Variants in EYS observed in about 807,000 individuals in gnomAD.
EYS encodes the protein protein eyes shut homolog.
Under a neutral mutation model 282.1 loss-of-function variants are expected in EYS, and 250 were observed. The observed-to-expected ratio is 0.89, with a 90% confidence interval of 0.80 to 0.98. The LOEUF (loss-of-function observed/expected upper bound fraction) is 0.98, where lower values mean the gene tolerates loss of function less well. EYS is among the 50% of genes least tolerant of loss of function. The pLI, the probability that EYS is intolerant of heterozygous loss-of-function variation, is 0.00. For missense variants in EYS, 4,016 were observed against 3,709.0 expected (o/e 1.08, Z -2.15); for synonymous variants, 1,355 against 1,282.9 (o/e 1.06, Z -1.20).
At chr6:64,255,982 C>G (rs1582493398) in intron 30 of EYS, among the ~76,000 whole-genome samples, 1 of 152,032 alleles carries the variant, frequency 6.6e-6, no homozygotes, top group African/African-American at 2.4e-5. Flanking sequence ...TTGTATATTT[C>G]CATGTGCGAC....
chr6:64,288,963 T>C (rs559781389), intron 30 of EYS, among the ~76,000 whole-genome samples: 19 of 152,238 alleles, frequency 1.2e-4, no homozygotes, highest in Middle Eastern at 3.4e-3. Flanking sequence ...AAAAACCTCC[T>C]ATCTGGTTTT....
At position 64,773,548 on chromosome 6, in the gene EYS, C is replaced by A. The variant is rs534366902; in HGVS notation, c.3443+39830G>T. Among the ~76,000 whole-genome samples the A allele has an allele frequency of 4.6e-5, 7 of 151,996 alleles. No homozygotes were observed. The East Asian group carries it at 1.4e-3, about 29-fold the overall frequency. ...CTGTTTTAAGCTCTCTGAGAAATTG[C>A]CAGACTGCATTCTACAATGGGTGAA... is the stretch of plus-strand genomic sequence containing the variant. On this transcript the variant is annotated intron_variant, in intron 22 of 42. Coordinates refer to ENST00000503581, the MANE Select transcript of EYS (RefSeq NM_001142800.2).
At chr6:65,233,369 A>G (rs1232956417) in intron 12 of EYS, among the ~76,000 whole-genome samples, 2 of 152,084 alleles carry the variant, frequency 1.3e-5, no homozygotes, top group Non-Finnish European at 2.9e-5. Context: ...TTGTTTGCAT[A>G]GTGATTTGAC....
chr6:64,679,127 T>A (rs1442283377), intron 22 of EYS, among the ~76,000 whole-genome samples: 1 of 152,222 alleles, frequency 6.6e-6, no homozygotes, highest in Non-Finnish European at 1.5e-5. Flanking sequence ...CTCTGCAGTC[T>A]CTACCCCAAC....
intron 31 of EYS, among the ~76,000 whole-genome samples, chr6:64,218,364 C>CAGACAG (rs527705013): frequency 0.023 from 2,325 of 99,028 alleles, 58 homozygotes; most frequent in African/African-American, 0.06. Flanking sequence ...TTCTTAAAGA[C>CAGACAG]AGACAGAGAC....
intron 19 of EYS, among the ~76,000 whole-genome samples, chr6:64,828,692 T>G (rs2150026587): frequency 6.6e-6 from 1 of 152,122 alleles, no homozygotes; most frequent in South Asian, 2.1e-4. Context: ...AGTGGCAATC[T>G]ACAGTAGGTA....
intron 36 of EYS, among the ~76,000 whole-genome samples, chr6:63,840,865 C>A (rs1237722409): frequency 2.0e-5 from 3 of 152,062 alleles, no homozygotes; most frequent in African/African-American, 7.2e-5. Context: ...GAATTTATTT[C>A]TGGGGGAATC....
chr6:65,659,081 C>A (rs1449585552), intron 1 of EYS, among the ~76,000 whole-genome samples: 1 of 151,332 alleles, frequency 6.6e-6, no homozygotes, highest in Non-Finnish European at 1.5e-5. Flanking sequence ...TTAAATCTCT[C>A]TTGATTTATT....
In EYS at chr6:64,085,794, C is replaced by T. The variant is rs144925347; in HGVS notation, c.6425-3792G>A. ...AGTTATATGGTATCACAAAAGTTAC[C>T]GTTTGTTGGCCTTCTACACACAATC... On this transcript the variant is annotated intron_variant, in intron 31 of 42. Transcript: ENST00000503581. Among the ~76,000 whole-genome samples the T allele has an allele frequency of 2.0e-3, 301 of 152,120 alleles. 1 individual carries two copies. The highest frequency in any genetic ancestry group is 7.0e-3 in the African/African-American group (291 of 41,502).
chr6:63,927,379 C>T (rs1193267816), intron 35 of EYS, among the ~76,000 whole-genome samples: 1 of 152,164 alleles, frequency 6.6e-6, no homozygotes, highest in Non-Finnish European at 1.5e-5. Context: ...GTCATTGTAT[C>T]ATGAGCCATG....
intron 33 of EYS, among the ~76,000 whole-genome samples, chr6:64,019,824 G>GTATA (rs199565163): frequency 2.9e-5 from 4 of 138,056 alleles, no homozygotes; most frequent in East Asian, 2.0e-4. Flanking sequence ...GTATATATAA[G>GTATA]TATATATATA....
intron 12 of EYS, among the ~76,000 whole-genome samples, chr6:65,122,415 A>G (rs1308634932): frequency 6.6e-6 from 1 of 152,136 alleles, no homozygotes; most frequent in Non-Finnish European, 1.5e-5. Context: ...CTGGATTGGT[A>G]GACATAATAA....
intron 31 of EYS, among the ~76,000 whole-genome samples, chr6:64,150,222 G>A (rs1019635978): frequency 2.0e-5 from 3 of 152,178 alleles, no homozygotes; most frequent in Non-Finnish European, 4.4e-5. Context: ...TGATTCTTAA[G>A]CACATTATGT....
intron 41 of EYS, among the ~76,000 whole-genome samples, chr6:63,758,430 C>T (rs1202432118): frequency 2.0e-5 from 3 of 151,930 alleles, no homozygotes; most frequent in Non-Finnish European, 4.4e-5. Flanking sequence ...CTGCATTTTA[C>T]CCAAATGTAA....
chr6:65,392,697 A>C (rs1766094808), intron 7 of EYS, among the ~76,000 whole-genome samples: 1 of 152,042 alleles, frequency 6.6e-6, no homozygotes, highest in Non-Finnish European at 1.5e-5. Flanking sequence ...GATGTGGAGA[A>C]ATAGGAACAC....
chr6:64,501,046 T>A (rs1582825791), intron 26 of EYS, among the ~76,000 whole-genome samples: 2 of 141,728 alleles, frequency 1.4e-5, no homozygotes, highest in African/African-American at 2.7e-5. Flanking sequence ...TTTTTTTTTT[T>A]AAGAAACCTA....
chr6:65,497,453 A>C (rs987373341), intron 2 of EYS, among the ~76,000 whole-genome samples: 1 of 152,022 alleles, frequency 6.6e-6, no homozygotes, highest in African/African-American at 2.4e-5. Context: ...TCTACATCTA[A>C]AGATTTTGAG....
chr6:64,558,538 G>GAAC (rs946314277), intron 26 of EYS, among the ~76,000 whole-genome samples: 2 of 151,814 alleles, frequency 1.3e-5, no homozygotes, highest in African/African-American at 4.8e-5. Context: ...AAGCAGAACA[G>GAAC]AACAACAACA....
chr6:64,770,871 C>A (rs1041430839), intron 22 of EYS, among the ~76,000 whole-genome samples: 1 of 151,732 alleles, frequency 6.6e-6, no homozygotes, highest in African/African-American at 2.4e-5. Context: ...TACAGCACAG[C>A]AGAAGTTTGT....
Sources: allele counts gnomAD v4.1 joint callset (sites outside exome capture counted in the v4.1 genomes callset), GRCh38; gene constraint gnomAD v4.1.1; transcripts MANE v1.5; gene names NCBI Gene and HGNC (gene_info 2026-07-23, HGNC 2026-07-21).